Variants in EPHB1 observed in about 807,000 individuals in gnomAD.
The protein encoded by EPHB1 is EPH receptor B1.
Under a neutral mutation model 94.4 loss-of-function variants are expected in EPHB1, and 30 were observed. The observed-to-expected ratio is 0.32, with a 90% CI of 0.24 to 0.43. The LOEUF is 0.43. EPHB1 is among the 20% of genes least tolerant of loss of function. EPHB1 has a pLI of 1.00. For synonymous variants in EPHB1, 522 were observed against 489.1 expected, an observed-to-expected ratio of 1.07 and a Z score of -0.89; for missense variants, 1,055 against 1,308.3, an observed-to-expected ratio of 0.81 and a Z score of 2.99.
chr3:135,198,408 A>C (rs1942677383), intron 11 of EPHB1, among the ~76,000 whole-genome samples: 1 of 152,202 alleles, frequency 6.6e-6, no homozygotes, highest in African/African-American at 2.4e-5. Context: ...TGTAAGTATT[A>C]TGTGCCATTC....
intron 3 of EPHB1, among the ~76,000 whole-genome samples, chr3:135,036,134 G>A (rs1055510902): frequency 2.6e-5 from 4 of 152,196 alleles, no homozygotes; most frequent in Non-Finnish European, 5.9e-5. Flanking sequence ...GTAAGAAGCC[G>A]CTTCTGACCC....
intron 3 of EPHB1, among the ~76,000 whole-genome samples, chr3:135,024,655 C>T (rs557180904): frequency 6.6e-6 from 1 of 152,168 alleles, no homozygotes; most frequent in South Asian, 2.1e-4. Context: ...CTTTTCATTT[C>T]GTAAATTAAT....
intron 15 of EPHB1, among the ~76,000 whole-genome samples, chr3:135,257,912 G>A (rs1023516977): frequency 2.0e-5 from 3 of 152,200 alleles, no homozygotes; most frequent in Admixed American, 6.5e-5. Flanking sequence ...ATATAATCTC[G>A]TGGTGCGCCG....
chr3:134,925,837 C>G lies in EPHB1; in HGVS notation c.80C>G (p.Thr27Arg). The G allele has an allele frequency of 6.2e-7, 1 of 1,603,782 alleles. No individual in the cohort carries two copies. The highest frequency in any genetic ancestry group is 8.5e-7 in the Non-Finnish European group (1 of 1,174,930). Residue 27 changes from threonine (T) to arginine (R), a missense_variant, in exon 2 of 16, where the codon ACG (threonine) becomes AGG (arginine). Thr to Arg is a moderately conservative substitution (Grantham distance 71). Transcript: ENST00000398015. ...ACAGAAACGTTAATGGACACCAGAA[C>G]GGCTACTGCAGAGCTGGGCTGGACG... ...AMEETLMDTRTATAELGWTAN... is the reference protein window; with the variant it reads ...AMEETLMDTRRATAELGWTAN...
chr3:134,917,565 A>G (rs1032693414), intron 1 of EPHB1, among the ~76,000 whole-genome samples: 2 of 152,228 alleles, frequency 1.3e-5, no homozygotes, highest in Non-Finnish European at 1.5e-5. Context: ...AATTAATTGC[A>G]CCTTGGAACA....
At chr3:134,896,811 G>A (rs542135952) in intron 1 of EPHB1, among the ~76,000 whole-genome samples, 2 of 152,254 alleles carry the variant, frequency 1.3e-5, no homozygotes, top group African/African-American at 4.8e-5. Context: ...GCCGACTGCG[G>A]CTATTGTCGT....
At chr3:135,195,542 A>T (rs1264204566) in intron 11 of EPHB1, among the ~76,000 whole-genome samples, 1 of 148,050 alleles carries the variant, frequency 6.8e-6, no homozygotes, top group African/African-American at 2.5e-5. Context: ...TGTCCATGTG[A>T]TCTCATTGTT....
At chr3:135,256,066 G>C (rs1253183632) in intron 15 of EPHB1, among the ~76,000 whole-genome samples, 1 of 151,530 alleles carries the variant, frequency 6.6e-6, no homozygotes, top group African/African-American at 2.4e-5. Context: ...TTTTCCATTT[G>C]CTTGGTAGAT....
chr3:135,171,966 G>A (rs1941815453), intron 9 of EPHB1, among the ~76,000 whole-genome samples: 1 of 152,184 alleles, frequency 6.6e-6, no homozygotes, highest in South Asian at 2.1e-4. Context: ...GTCTCGATAA[G>A]GGTTCAGATC....
chr3:135,037,085 C>T (rs1936669267), intron 3 of EPHB1, among the ~76,000 whole-genome samples: 1 of 152,120 alleles, frequency 6.6e-6, no homozygotes, highest in African/African-American at 2.4e-5. Flanking sequence ...GATATCGCCA[C>T]CCTCATCCCA....
At chr3:134,902,570 TA>T (rs1239823832) in intron 1 of EPHB1, among the ~76,000 whole-genome samples, 1 of 152,264 alleles carries the variant, frequency 6.6e-6, no homozygotes, top group Non-Finnish European at 1.5e-5. Flanking sequence ...CAGATCTTGC[TA>T]TGATTAAAAT....
intron 15 of EPHB1, among the ~76,000 whole-genome samples, chr3:135,252,835 G>C (rs1264999084): frequency 1.4e-5 from 2 of 144,678 alleles, no homozygotes; most frequent in Non-Finnish European, 3.1e-5. Context: ...CCCACCAACA[G>C]TGTAAAAGTG....
chr3:135,058,800 A>G (rs1191148376), intron 3 of EPHB1, among the ~76,000 whole-genome samples: 1 of 152,236 alleles, frequency 6.6e-6, no homozygotes, highest in Admixed American at 6.5e-5. Context: ...ATGTTCATAC[A>G]GATGAGCGGC....
intron 1 of EPHB1, among the ~76,000 whole-genome samples, chr3:134,842,392 C>A (rs542961777): frequency 6.6e-6 from 1 of 152,318 alleles, no homozygotes; most frequent in East Asian, 1.9e-4. Flanking sequence ...CCAGCCTCAC[C>A]CCCTTCACTC....
rs1933051774 is a variant in EPHB1, at chr3:134,952,026, A to C, written c.779A>C (p.Glu260Ala). 1 of 1,611,848 alleles carries C rather than the reference A, an allele frequency of 6.2e-7. No homozygotes were observed. The highest frequency in any genetic ancestry group is 8.5e-7 in the Non-Finnish European group (1 of 1,178,380). ...IGRCTCKPGY[E>A]PENSVACKAC... ...CGATGCACCTGCAAGCCTGGCTATG[A>C]GCCTGAGAACAGCGTGGCATGCAAG... The change falls in exon 3 of 16, where the codon GAG becomes GCG. Residue 260 changes from glutamate to alanine, a missense_variant. By Grantham distance (107) the Glu-to-Ala change is moderately radical. Transcript: ENST00000398015.
intron 9 of EPHB1, among the ~76,000 whole-genome samples, chr3:135,174,128 T>G (rs1410801048): frequency 1.3e-5 from 2 of 152,210 alleles, no homozygotes; most frequent in East Asian, 3.9e-4. Flanking sequence ...CAGCACTGCA[T>G]GCAAATGCTG....
At chr3:135,093,359 C>T (rs549253463) in intron 3 of EPHB1, among the ~76,000 whole-genome samples, 31 of 152,232 alleles carry the variant, frequency 2.0e-4, no homozygotes, top group African/African-American at 7.2e-4. Context: ...CCTCACTTCT[C>T]GCCTTCTTGC....
In EPHB1 at chr3:134,891,547, G is replaced by A. The variant is rs114604551; in HGVS notation, c.59-34269G>A. ...AGTTTTAAAAAAATCAAGAATGGGTGTTAAATACTATTAGTTGCCTTTTTG... is the reference window on the plus strand; with the variant it reads ...AGTTTTAAAAAAATCAAGAATGGGTATTAAATACTATTAGTTGCCTTTTTG... On this transcript the variant is annotated intron_variant, in intron 1 of 15. Transcript: ENST00000398015. Among the ~76,000 whole-genome samples, 757 of 152,308 alleles carry A rather than the reference G, an allele frequency of 5.0e-3. 6 individuals carry two copies. Among genetic ancestry groups the A allele is most frequent in the South Asian group, 0.029 (141 of 4,822 alleles).
intron 9 of EPHB1, among the ~76,000 whole-genome samples, chr3:135,167,400 A>T (rs1013766821): frequency 6.6e-6 from 1 of 152,226 alleles, no homozygotes; most frequent in Non-Finnish European, 1.5e-5. Context: ...TTGTTAACCA[A>T]ATTCACAGAT....
Sources: gnomAD v4.1 joint callset for allele counts (sites outside exome capture counted in the v4.1 genomes callset) on GRCh38, gnomAD v4.1.1 for gene constraint, MANE v1.5 for transcripts, NCBI Gene and HGNC (gene_info 2026-07-23, HGNC 2026-07-21) for gene names.